The following TARS1 variants were observed in gnomAD, a reference collection of about 807,000 sequenced individuals.
TARS1 encodes the protein threonine--tRNA ligase 1, cytoplasmic.
A neutral mutation model predicts 97.7 loss-of-function variants in TARS1; 57 were observed. The observed-to-expected ratio is 0.58, with a 90% CI of 0.47 to 0.73. The LOEUF (loss-of-function observed/expected upper bound fraction) is 0.73. Among genes scored for constraint, TARS1 ranks in the 30% least tolerant of loss-of-function variants. The pLI, the probability that TARS1 is intolerant of heterozygous loss-of-function variation, is 0.00. For missense variants in TARS1, 806 were observed against 888.3 expected, an observed-to-expected ratio of 0.91 and a Z score of 1.18; for synonymous variants, 312 against 293.7, an observed-to-expected ratio of 1.06 and a Z score of -0.64.
chr5:33,442,320 C>CTTTTTTTTTTTTTT (rs763508345), intron 1 of TARS1, among the ~76,000 whole-genome samples: 3 of 104,598 alleles, frequency 2.9e-5, no homozygotes, highest in Non-Finnish European at 3.8e-5. Context: ...TGTTTTGTAA[C>CTTTTTTTTTTTTTT]TTTTTTTTTT....
At chr5:33,452,051 G>A (rs1297470029) in intron 3 of TARS1, among the ~76,000 whole-genome samples, 1 of 152,168 alleles carries the variant, frequency 6.6e-6, no homozygotes, top group Admixed American at 6.5e-5. Flanking sequence ...AAAGGAGTTT[G>A]TTGTTTACTT....
At chr5:33,466,045 G>C (rs1485480026) in intron 17 of TARS1, 1 of 152,204 alleles carries the variant, frequency 6.6e-6, no homozygotes, top group Non-Finnish European at 1.5e-5. Flanking sequence ...TGGTGATTCT[G>C]CTAGTAGACA....
chr5:33,455,035 G>T lies in TARS1; in HGVS notation c.544G>T (p.Gly182Ter), dbSNP rs1741941397. ...ATGCTACGGTCCGCCAATAGAAAAT[G>T]GATTCTATTATGACATGTACCTCGA... is the stretch of plus-strand genomic sequence containing the variant. ...CLCYGPPIEN[G>*]FYYDMYLEEG... The change falls in exon 5 of 19, where the codon GGA becomes TGA. Residue 182 changes from glycine to a stop codon, truncating the protein, a stop_gained. Coordinates refer to ENST00000265112, the MANE Select transcript of TARS1 (RefSeq NM_152295.5). LOFTEE classifies it high-confidence loss of function. 1 of 1,613,582 alleles carries T rather than the reference G, an allele frequency of 6.2e-7. No individual in the cohort carries two copies. Among genetic ancestry groups the T allele is most frequent in the African/African-American group, 1.3e-5 (1 of 74,810 alleles).
intron 6 of TARS1, 72 bp from the exon 7 acceptor site, chr5:33,455,930 G>A (rs1013973760): frequency 9.7e-6 from 13 of 1,346,586 alleles, no homozygotes; most frequent in Admixed American, 5.5e-5. Flanking sequence ...ACAGTGCTAC[G>A]TTTTAGCTAT....
chr5:33,465,592 G>T lies in TARS1; in HGVS notation c.1909-1279G>T, dbSNP rs1054623831. Among the ~76,000 whole-genome samples, 3 of 152,314 alleles carry T rather than the reference G, an allele frequency of 2.0e-5. No homozygotes were observed. In the East Asian group the frequency reaches 5.8e-4, roughly 29 times the overall value. ...ACCTATCTTGGCATTCTAAAATTCT[G>T]TAACAACCCTTCTGAAATGGGTGTA... On this transcript the variant is annotated intron_variant, in intron 17 of 18. Transcript: ENST00000265112.
chr5:33,462,524 G>A (rs1406294965), intron 16 of TARS1, among the ~76,000 whole-genome samples: 2 of 152,128 alleles, frequency 1.3e-5, no homozygotes, highest in African/African-American at 4.8e-5. Context: ...TTTGTTTTGG[G>A]ATTTAGATGG....
At chr5:33,453,083 T>A (rs1292461773) in intron 3 of TARS1, among the ~76,000 whole-genome samples, 1 of 152,170 alleles carries the variant, frequency 6.6e-6, no homozygotes, top group Non-Finnish European at 1.5e-5. Context: ...CAAATGATAA[T>A]GTTCTGCATT....
At position 33,455,018 on chromosome 5, in the gene TARS1, G is replaced by A; in HGVS notation, c.527G>A (p.Gly176Asp). 1 of 1,613,704 alleles carries A rather than the reference G, an allele frequency of 6.2e-7. No homozygotes were observed. Among genetic ancestry groups the A allele is most frequent in the Non-Finnish European group, 8.5e-7 (1 of 1,179,852 alleles). ...GTCTATGGTGGATGTTTATGCTACG[G>A]TCCGCCAATAGAAAATGGATTCTAT... ...ERVYGGCLCY[G>D]PPIENGFYYD... Residue 176 changes from glycine to aspartate, a missense_variant, in exon 5 of 19, where the codon GGT becomes GAT. Physicochemically the swap from Gly to Asp is moderately conservative, Grantham distance 94 (BLOSUM62 -1). This residue lies in a region of TARS1 where 356 missense variants were observed against 357.8 expected (regional missense o/e 0.99). Coordinates refer to ENST00000265112, the MANE Select transcript of TARS1 (RefSeq NM_152295.5).
intron 6 of TARS1, 60 bp downstream of exon 6, chr5:33,455,764 A>G: frequency 8.2e-7 from 1 of 1,224,784 alleles, no homozygotes; most frequent in Admixed American, 1.9e-5. Context: ...TGTTAGTTGA[A>G]GTGACACCAC....
intron 1 of TARS1, among the ~76,000 whole-genome samples, chr5:33,444,892 A>G (rs911877984): frequency 7.9e-5 from 12 of 151,316 alleles, no homozygotes; most frequent in African/African-American, 2.7e-4. Flanking sequence ...ATTGGGCCTT[A>G]TGTTTGCTTC....
chr5:33,460,793 T>C lies in TARS1; in HGVS notation c.1251-109T>C, dbSNP rs948138718. On this transcript the variant is annotated intron_variant, in intron 11 of 18. Transcript: ENST00000265112. ...CAGAATTTGAGAAATGTTGCTTGGA[T>C]GGACAGCTAGAATCAGTGGCTTTTT... 1.3e-5 allele frequency: 17 copies of C among 1,320,424 alleles called. No individual in the cohort carries two copies. The Admixed American group carries it at 2.2e-4, about 17-fold the overall frequency. The allele number at this position is 1,320,424 out of a possible 1,614,324, so 81.8% of individuals were successfully genotyped here.
chr5:33,443,320 C>CCTCT (rs769681224), intron 1 of TARS1, among the ~76,000 whole-genome samples: 3,758 of 118,326 alleles, frequency 0.032, 106 homozygotes, highest in African/African-American at 0.062. Context: ...TCTCTCTCTC[C>CCTCT]CTCTCTCTCT....
intron 18 of TARS1, 79 bp downstream of exon 18, chr5:33,467,064 A>G: frequency 1.4e-6 from 1 of 695,292 alleles, no homozygotes; most frequent in Non-Finnish European, 2.2e-6. Context: ...GTTTAAGTGA[A>G]TTGTAATCAA....
At chr5:33,457,601 G>A (rs552730316) in intron 9 of TARS1, among the ~76,000 whole-genome samples, 198 bp downstream of exon 9, 4 of 152,252 alleles carry the variant, frequency 2.6e-5, no homozygotes, top group East Asian at 1.9e-4. Flanking sequence ...GCTCAGTACC[G>A]CACAAAAATG....
chr5:33,443,347 C>G (rs1741231561), intron 1 of TARS1, among the ~76,000 whole-genome samples: 1 of 151,454 alleles, frequency 6.6e-6, no homozygotes, highest in African/African-American at 2.4e-5. Flanking sequence ...CTCTCTCTCT[C>G]TCTCTCTCTC....
Position 33,441,103 on chromosome 5 carries a change from C to G in TARS1, c.17C>G (p.Ala6Gly), listed in dbSNP as rs761507268. 6 of 1,614,112 alleles carry G rather than the reference C, an allele frequency of 3.7e-6. No homozygotes were observed. Among genetic ancestry groups the G allele is most frequent in the Non-Finnish European group, 5.1e-6 (6 of 1,180,050 alleles). ...CGTTCGCCAATGTTTGAGGAGAAGG[C>G]CAGCAGTCCTTCAGGGAAGATGGGA... MFEEK[A>G]SSPSGKMGGE... Residue 6 changes from alanine to glycine, a missense_variant, in exon 1 of 19, where the codon GCC becomes GGC. Transcript: ENST00000265112.
downstream of TARS1, chr5:33,468,088 A>G (rs142976461): frequency 2.2e-3 from 395 of 176,122 alleles, 1 homozygote; most frequent in African/African-American, 9.1e-3. Flanking sequence ...ATTTATTCAC[A>G]TAAGTTTCAA....
chr5:33,459,551 A>C, intron 10 of TARS1, 144 bp from the exon 11 acceptor site: 1 of 957,376 alleles, frequency 1.0e-6, no homozygotes, highest in Non-Finnish European at 1.5e-6. Flanking sequence ...TCTCTCTGGT[A>C]TATACTTAGA....
intron 18 of TARS1, 97 bp downstream of exon 18, chr5:33,467,082 T>C (rs1742561788): frequency 1.9e-6 from 1 of 532,536 alleles, no homozygotes; most frequent in Non-Finnish European, 3.0e-6. Context: ...CAAGAATTTA[T>C]TTAGTTCCTT....
Sources: allele counts gnomAD v4.1 joint callset (sites outside exome capture counted in the v4.1 genomes callset), GRCh38; gene constraint gnomAD v4.1.1; regional missense constraint gnomAD v4.1.1; transcripts MANE v1.5; gene names NCBI Gene and HGNC (gene_info 2026-07-23, HGNC 2026-07-21).